The following PLXNA4 variants were observed in gnomAD, a reference collection of about 807,000 sequenced individuals.
PLXNA4 encodes plexin A4.
PLXNA4 carries 44 observed loss-of-function variants against 191.8 expected under a neutral mutation model. The observed-to-expected ratio is 0.23, with a 90% CI of 0.18 to 0.29. The LOEUF (loss-of-function observed/expected upper bound fraction) is 0.29, where lower values mean the gene tolerates loss of function less well. Among genes scored for constraint, PLXNA4 ranks in the 10% least tolerant of loss-of-function variants. The probability of loss-of-function intolerance (pLI) is 1.00; values close to 1 mark genes in which losing one functional copy is unlikely to be tolerated. For synonymous variants in PLXNA4, 1,082 were observed against 1,009.5 expected (o/e 1.07, Z -1.36); for missense variants, 1,800 against 2,488.8 (o/e 0.72, Z 5.89).
intron 4 of PLXNA4, among the ~76,000 whole-genome samples, chr7:132,247,647 C>T (rs931757634): frequency 3.3e-5 from 5 of 152,144 alleles, no homozygotes; most frequent in African/African-American, 4.8e-5. Context: ...CATCTCCACC[C>T]GCCTTCATCT....
intron 4 of PLXNA4, among the ~76,000 whole-genome samples, chr7:132,249,741 A>C (rs560344586): frequency 6.6e-6 from 1 of 152,366 alleles, no homozygotes; most frequent in East Asian, 1.9e-4. Context: ...GCCAGACACC[A>C]CTGGCTCCCG....
chr7:132,350,567 A>G (rs1192621742), intron 3 of PLXNA4, among the ~76,000 whole-genome samples: 1 of 152,206 alleles, frequency 6.6e-6, no homozygotes. Context: ...AGAAATGCAA[A>G]TCATAGCGTC....
chr7:132,225,621 C>CT lies in PLXNA4; in HGVS notation c.1982+539_1982+540insA, dbSNP rs547266972. Among the ~76,000 whole-genome samples, 52 of 151,450 alleles carry CT rather than the reference C, an allele frequency of 3.4e-4. No homozygotes were observed. The East Asian group carries it at 8.4e-3, about 24-fold the overall frequency. Reference sequence around the variant, plus strand: ...TGACCCCTAAGCCAGAGTCCGCCCCCCCCCACAGCTTTCTGCCTCCCTCTG... The same window carrying CT: ...TGACCCCTAAGCCAGAGTCCGCCCCCTCCCCACAGCTTTCTGCCTCCCTCTG... On this transcript the variant is annotated intron_variant, in intron 8 of 31. Transcript: ENST00000321063.
intron 3 of PLXNA4, among the ~76,000 whole-genome samples, chr7:132,460,798 G>T (rs191880968): frequency 6.6e-6 from 1 of 152,018 alleles, no homozygotes; most frequent in Admixed American, 6.6e-5. Context: ...AAAAGCAGAG[G>T]GGGGATGGGA....
chr7:132,449,674 TCTTTCCTGACA>T (rs1796045221), intron 3 of PLXNA4, among the ~76,000 whole-genome samples: 1 of 152,222 alleles, frequency 6.6e-6, no homozygotes, highest in Non-Finnish European at 1.5e-5. Flanking sequence ...CATGCTTCTC[TCTTTCCTGACA>T]GCTTCCTCCA....
intron 3 of PLXNA4, among the ~76,000 whole-genome samples, chr7:132,473,971 G>A (rs1797027141): frequency 6.6e-6 from 1 of 151,910 alleles, no homozygotes. Flanking sequence ...AGTTCAACAA[G>A]CAACTTAGAA....
intron 3 of PLXNA4, among the ~76,000 whole-genome samples, chr7:132,334,424 A>AT (rs925943144): frequency 3.3e-5 from 5 of 151,264 alleles, no homozygotes; most frequent in Non-Finnish European, 7.4e-5. Flanking sequence ...CACCCAGCTA[A>AT]TTTTTTTATT....
At chr7:132,605,872 G>A (rs1043364423) in intron 2 of PLXNA4, among the ~76,000 whole-genome samples, 1 of 152,184 alleles carries the variant, frequency 6.6e-6, no homozygotes, top group African/African-American at 2.4e-5. Flanking sequence ...CTGGAGCCAT[G>A]CAGATGCAGG....
At chr7:132,563,948 CCTT>C (rs1214745263) in intron 1 of PLXNA4, among the ~76,000 whole-genome samples, 17 of 120,694 alleles carry the variant, frequency 1.4e-4, no homozygotes, top group Non-Finnish European at 2.3e-4. Flanking sequence ...TCCTCCTCCT[CCTT>C]TTCCTCCCCA....
rs1180943954 is a variant in PLXNA4 at position 132,148,553 on chromosome 7, G to A, written c.4754C>T (p.Ala1585Val). 9.3e-6 allele frequency: 15 copies of A among 1,614,056 alleles called. No homozygotes were observed. Among genetic ancestry groups the A allele is most frequent in the Non-Finnish European group, 1.3e-5 (15 of 1,179,988 alleles). The change falls in exon 26 of 32, where the codon GCC becomes GTC. Residue 1585 changes from alanine to valine, a missense_variant. Physicochemically the swap from Ala to Val is moderately conservative, Grantham distance 64. Coordinates refer to ENST00000321063, the MANE Select transcript of PLXNA4 (RefSeq NM_020911.2). ...ENDWKRLNTLAHYQVPDGSVV... is the reference protein window; with the variant it reads ...ENDWKRLNTLVHYQVPDGSVV... ...CCACATTCCCCTCACCTGGTAGTGG[G>A]CCAGTGTGTTCAGTCGCTTCCAATC...
intron 4 of PLXNA4, among the ~76,000 whole-genome samples, chr7:132,264,693 T>A (rs1192163239): frequency 6.6e-6 from 1 of 151,614 alleles, no homozygotes; most frequent in Non-Finnish European, 1.5e-5. Context: ...GCTTTTTTTT[T>A]TTTTTTTTTC....
chr7:132,629,648 T>A lies in PLXNA4; in HGVS notation c.-87+16280A>T, dbSNP rs564002232. 8.5e-5 allele frequency among the ~76,000 whole-genome samples: 13 copies of A among 152,330 alleles called. No individual in the cohort carries two copies. The East Asian group carries it at 2.3e-3, about 27-fold the overall frequency. On this transcript the variant is annotated intron_variant, in intron 2 of 4. Coordinates refer to the PLXNA4 transcript ENST00000378539. The stretch of plus-strand genomic sequence containing the variant: ...GCCAGTGTCTTAGCTTGGGCTGCCA[T>A]AACAAAATATCATGGACTGGGTTTA...
At chr7:132,290,248 G>C (rs1286288341) in intron 4 of PLXNA4, among the ~76,000 whole-genome samples, 1 of 152,220 alleles carries the variant, frequency 6.6e-6, no homozygotes, top group Non-Finnish European at 1.5e-5. Context: ...ATGTGTGTTT[G>C]AGGCTTCTGG....
chr7:132,562,294 T>A (rs1489557153), intron 1 of PLXNA4, among the ~76,000 whole-genome samples: 10 of 126,472 alleles, frequency 7.9e-5, no homozygotes, highest in African/African-American at 3.3e-4. Context: ...CTCCTCCTTC[T>A]CCTCCTTCTC....
intron 2 of PLXNA4, among the ~76,000 whole-genome samples, chr7:132,591,409 C>T (rs1016214384): frequency 6.6e-6 from 1 of 152,138 alleles, no homozygotes; most frequent in East Asian, 1.9e-4. Context: ...GCACAAATTG[C>T]CAGAGTGAAT....
At chr7:132,237,655 C>T (rs532347029) in intron 5 of PLXNA4, among the ~76,000 whole-genome samples, 4 of 152,258 alleles carry the variant, frequency 2.6e-5, no homozygotes, top group East Asian at 1.9e-4. Flanking sequence ...CTCAAGGTTA[C>T]GAATGACAGC....
rs1201544578 is a variant in PLXNA4, at chr7:132,151,350, A to G, written c.4661-2704T>C. On this transcript the variant is annotated intron_variant, in intron 25 of 31. Coordinates refer to ENST00000321063, the MANE Select transcript of PLXNA4 (RefSeq NM_020911.2). ...GGAAGAAGAAGGAGGAGGAGGAGGA[A>G]GAAGAAGGAGGAGGAGGAGAAAGGA... Among the ~76,000 whole-genome samples the G allele has an allele frequency of 2.8e-3, 124 of 44,986 alleles. 4 individuals are homozygous for G. Among genetic ancestry groups the G allele is most frequent in the South Asian group, 8.2e-3 (8 of 974 alleles). 29.5% of individuals were successfully genotyped at this position (44,986 alleles called of 152,430 possible).
At chr7:132,438,807 T>A (rs1795577084) in intron 3 of PLXNA4, among the ~76,000 whole-genome samples, 1 of 152,192 alleles carries the variant, frequency 6.6e-6, no homozygotes, top group Admixed American at 6.5e-5. Context: ...TTTTTTTCAA[T>A]CATCCTTATA....
Position 132,508,849 on chromosome 7 carries a change from C to A in PLXNA4, c.-86-70G>T. 5.1e-6 allele frequency: 7 copies of A among 1,370,896 alleles called. No individual in the cohort carries two copies. Among genetic ancestry groups the A allele is most frequent in the Non-Finnish European group, 6.7e-6 (7 of 1,043,038 alleles). 84.9% of individuals were successfully genotyped at this position (1,370,896 alleles called of 1,614,324 possible). A position where few individuals can be genotyped will look rare whatever the true frequency, so the allele number is the denominator to read the frequency against. On this transcript the variant is annotated intron_variant, in intron 1 of 31. Coordinates refer to ENST00000321063, the MANE Select transcript of PLXNA4 (RefSeq NM_020911.2). The surrounding 1 kb of genome is among the most constrained non-coding windows in gnomAD (Gnocchi z 4.4). ...TTCATTTCACCCCACAGCTTGTCTGCCTGGACTTTCAAAATGTTCTGCACA... is the reference window on the plus strand; with the variant it reads ...TTCATTTCACCCCACAGCTTGTCTGACTGGACTTTCAAAATGTTCTGCACA...
Sources: allele counts gnomAD v4.1 joint callset (sites outside exome capture counted in the v4.1 genomes callset), GRCh38; gene constraint gnomAD v4.1.1; non-coding constraint Gnocchi (gnomAD v3.1); transcripts MANE v1.5; gene names NCBI Gene and HGNC (gene_info 2026-07-23, HGNC 2026-07-21).